HORMAD2: variants seen among roughly 807,000 people sequenced by gnomAD.
HORMAD2 encodes the protein HORMA domain containing 2.
HORMAD2 carries 45 observed loss-of-function variants against 38.8 expected under a neutral mutation model. That is an observed-to-expected ratio of 1.16 (90% confidence interval 0.91 to 1.49). The LOEUF is 1.49. Ranked by LOEUF, HORMAD2 falls within the 40% of genes most tolerant of loss-of-function variation. The pLI, the probability that HORMAD2 is intolerant of heterozygous loss-of-function variation, is 0.00. For missense variants in HORMAD2, 338 were observed against 367.0 expected (o/e 0.92, Z 0.65); for synonymous variants, 126 against 122.8 (o/e 1.03, Z -0.17).
intron 1 of HORMAD2, among the ~76,000 whole-genome samples, chr22:30,087,273 G>A (rs1308368247): frequency 6.6e-6 from 1 of 152,196 alleles, no homozygotes; most frequent in Non-Finnish European, 1.5e-5. Context: ...TTCACTGAGC[G>A]AGGGAACAGA....
intron 10 of HORMAD2, chr22:30,137,348 A>G: frequency 2.0e-6 from 1 of 501,626 alleles, no homozygotes; most frequent in Non-Finnish European, 3.9e-6. Flanking sequence ...ATTATACTGA[A>G]CATAGCAGGT....
chr22:30,191,205 G>T, the HORMAD2 span, among the ~76,000 whole-genome samples: 3 of 152,184 alleles, frequency 2.0e-5, no homozygotes, highest in African/African-American at 7.2e-5. Context: ...AGCTCGTCGG[G>T]AAATGTGGAG....
At chr22:30,171,530 A>G (rs189716943) in intron 10 of HORMAD2, among the ~76,000 whole-genome samples, 78 of 152,278 alleles carry the variant, frequency 5.1e-4, no homozygotes, top group African/African-American at 1.8e-3. Flanking sequence ...CTCCACTGCC[A>G]TGCAAGTTAT....
At chr22:30,101,822 C>T (rs1035815920) in intron 3 of HORMAD2, among the ~76,000 whole-genome samples, 2 of 152,100 alleles carry the variant, frequency 1.3e-5, no homozygotes, top group Non-Finnish European at 2.9e-5. Context: ...AACCATAACA[C>T]TTTGAAAGGC....
intron 3 of HORMAD2, among the ~76,000 whole-genome samples, chr22:30,102,924 C>T (rs1013356159): frequency 6.6e-6 from 1 of 152,032 alleles, no homozygotes; most frequent in Non-Finnish European, 1.5e-5. Flanking sequence ...GCCACCACAC[C>T]CGGCCTAAAC....
At chr22:30,084,457 AT>A in intron 1 of HORMAD2, among the ~76,000 whole-genome samples, 1 of 152,282 alleles carries the variant, frequency 6.6e-6, no homozygotes, top group Non-Finnish European at 1.5e-5. Context: ...TGCATTGAGG[AT>A]TAAGCTTCCA....
the HORMAD2 span, chr22:30,207,005 C>T: frequency 2.2e-6 from 1 of 464,764 alleles, no homozygotes; most frequent in Non-Finnish European, 4.5e-6. Context: ...AGAGACAGAG[C>T]CCCAGCAGCC....
chr22:30,115,575 T>C (rs1271830663), intron 7 of HORMAD2, among the ~76,000 whole-genome samples: 1 of 152,166 alleles, frequency 6.6e-6, no homozygotes, highest in Non-Finnish European at 1.5e-5. Flanking sequence ...TCAGCAAATA[T>C]TAATTGGGTT....
At chr22:30,127,910 A>G (rs769473078) in intron 10 of HORMAD2, among the ~76,000 whole-genome samples, 1 of 151,984 alleles carries the variant, frequency 6.6e-6, no homozygotes, top group Non-Finnish European at 1.5e-5. Context: ...CACCATTTCC[A>G]TGTGTTTTGC....
chr22:30,190,361 A>G, the HORMAD2 span, among the ~76,000 whole-genome samples: 1 of 152,240 alleles, frequency 6.6e-6, no homozygotes, highest in Non-Finnish European at 1.5e-5. Flanking sequence ...ACATGTTTAC[A>G]AGTCAGCTGG....
At chr22:30,083,930 A>T (rs1601492231) in intron 1 of HORMAD2, among the ~76,000 whole-genome samples, 1 of 152,228 alleles carries the variant, frequency 6.6e-6, no homozygotes, top group Non-Finnish European at 1.5e-5. Context: ...AGGCCCTGGT[A>T]GTACATCATA....
intron 5 of HORMAD2, among the ~76,000 whole-genome samples, chr22:30,111,070 C>T (rs934706118): frequency 2.0e-5 from 3 of 149,114 alleles, no homozygotes; most frequent in African/African-American, 7.4e-5. Context: ...GCAGGAGAAT[C>T]GCTTGAACCC....
chr22:30,078,279 TAGAG>T (rs1337397068), upstream of HORMAD2, among the ~76,000 whole-genome samples: 2 of 152,010 alleles, frequency 1.3e-5, no homozygotes, highest in South Asian at 2.1e-4. Context: ...TTCCAGGTGA[TAGAG>T]AGAAAAAAAC....
intron 10 of HORMAD2, among the ~76,000 whole-genome samples, chr22:30,133,493 A>T (rs1923426306): frequency 6.7e-6 from 1 of 149,548 alleles, no homozygotes. Flanking sequence ...TTTATTTATG[A>T]TTATACTTTA....
At chr22:30,121,146 G>A (rs1922399491) in intron 8 of HORMAD2, among the ~76,000 whole-genome samples, 1 of 152,218 alleles carries the variant, frequency 6.6e-6, no homozygotes, top group African/African-American at 2.4e-5. Flanking sequence ...ATCAATGCAA[G>A]AGTGAGGAAG....
chr22:30,204,203 G>T, the HORMAD2 span, among the ~76,000 whole-genome samples: 1 of 152,138 alleles, frequency 6.6e-6, no homozygotes, highest in African/African-American at 2.4e-5. Flanking sequence ...CAGACAGATG[G>T]TAGCAAAGGC....
chr22:30,197,092 C>CT, the HORMAD2 span, among the ~76,000 whole-genome samples: 1 of 152,018 alleles, frequency 6.6e-6, no homozygotes, highest in Admixed American at 6.5e-5. Context: ...TAAGGCTTTT[C>CT]TTAGGACCAA....
chr22:30,153,984 A>G (rs1469223571), intron 10 of HORMAD2, among the ~76,000 whole-genome samples: 1 of 152,088 alleles, frequency 6.6e-6, no homozygotes, highest in African/African-American at 2.4e-5. Context: ...AGTTTATTTC[A>G]CCAAAGCATC....
intron 10 of HORMAD2, among the ~76,000 whole-genome samples, chr22:30,132,539 CAAA>C: frequency 7.7e-6 from 1 of 129,776 alleles, no homozygotes; most frequent in East Asian, 2.4e-4. Flanking sequence ...GACTCCGTCT[CAAA>C]AAAAAAAAAA....
Sources: gnomAD v4.1 joint callset for allele counts (sites outside exome capture counted in the v4.1 genomes callset) on GRCh38, gnomAD v4.1.1 for gene constraint, MANE v1.5 for transcripts, NCBI Gene and HGNC (gene_info 2026-07-23, HGNC 2026-07-21) for gene names.